The following CNTRL variants were observed in gnomAD, a reference collection of about 807,000 sequenced individuals.
CNTRL encodes the protein centriolin, also known as 110 kDa centrosomal protein.
A neutral mutation model predicts 303.7 loss-of-function variants in CNTRL; 233 were observed. The ratio of observed to expected loss-of-function variants is 0.77; its 90% CI spans 0.69 to 0.86. CNTRL has a LOEUF of 0.86. Among genes scored for constraint, CNTRL ranks in the 40% least tolerant of loss-of-function variants. The pLI, the probability that CNTRL is intolerant of heterozygous loss-of-function variation, is 0.00. For synonymous variants in CNTRL, 900 were observed against 922.2 expected, an observed-to-expected ratio of 0.98 and a Z score of 0.44; for missense variants, 2,524 against 2,650.6, an observed-to-expected ratio of 0.95 and a Z score of 1.05.
intron 2 of CNTRL, among the ~76,000 whole-genome samples, chr9:121,085,572 T>A (rs566122666): frequency 1.3e-5 from 2 of 152,252 alleles, no homozygotes; most frequent in Non-Finnish European, 2.9e-5. Context: ...CTTCTCCACT[T>A]GTGGTTGTTA....
intron 7 of CNTRL, among the ~76,000 whole-genome samples, chr9:121,106,333 C>T (rs1242981089): frequency 5.2e-5 from 5 of 95,958 alleles, no homozygotes; most frequent in African/African-American, 1.1e-4. Context: ...AGCGAGACTC[C>T]GTCCAAAAAA....
intron 25 of CNTRL, 158 bp from the exon 26 acceptor site, chr9:121,152,327 C>T (rs974549818): frequency 1.8e-5 from 11 of 615,418 alleles, no homozygotes; most frequent in Admixed American, 2.9e-5. Context: ...CAGTTTCATC[C>T]GTGACATTTA....
chr9:121,161,724 A>C (rs1471646066), intron 32 of CNTRL, 132 bp from the exon 33 acceptor site: 2 of 588,232 alleles, frequency 3.4e-6, no homozygotes, highest in Non-Finnish European at 6.0e-6. Flanking sequence ...TAAAATTAGC[A>C]CCATTAATTC....
rs201079043 is a variant in CNTRL at position 121,169,614 on chromosome 9, G to A, written c.6074G>A (p.Arg2025Gln). 17 of 1,614,066 alleles carry A rather than the reference G, an allele frequency of 1.1e-5. No homozygotes were observed. The highest frequency in any genetic ancestry group is 1.7e-4 in the Middle Eastern group (1 of 6,012). ...CTACTGAAAATGCTCATTTCAGAACGGCAGCTTTCAGAAAGGGAGCAGCAA... is the reference window on the plus strand; with the variant it reads ...CTACTGAAAATGCTCATTTCAGAACAGCAGCTTTCAGAAAGGGAGCAGCAA... ...SLEKTLSQTKRQLSEREQQLV... is the reference protein window; with the variant it reads ...SLEKTLSQTKQQLSEREQQLV... Residue 2025 changes from arginine to glutamine, a missense_variant, in exon 39 of 44, where the codon CGG becomes CAG. Physicochemically the swap from Arg to Gln is conservative, Grantham distance 43. Coordinates refer to ENST00000373855, the MANE Select transcript of CNTRL (RefSeq NM_007018.6).
chr9:121,164,994 A>ATCT lies in CNTRL; in HGVS notation c.5475_5476insTCT (p.Glu1825_Lys1826insSer). The ATCT allele has an allele frequency of 6.2e-7, 1 of 1,612,784 alleles. No individual in the cohort carries two copies. The highest frequency in any genetic ancestry group is 8.5e-7 in the Non-Finnish European group (1 of 1,179,590). On this transcript the variant is annotated inframe_insertion, in exon 35 of 44. Transcript: ENST00000373855. The stretch of plus-strand genomic sequence containing the variant: ...GCAAAATGGAGCAATCAAACTTAGA[A>ATCT]AAGTTGGAATTGAATGTCAGAAAAC...
intron 42 of CNTRL, among the ~76,000 whole-genome samples, chr9:121,174,532 G>A (rs539028999): frequency 2.6e-5 from 4 of 152,202 alleles, no homozygotes; most frequent in Admixed American, 6.5e-5. Flanking sequence ...GTTGGACAGC[G>A]CTGCTATAGA....
chr9:121,099,890 T>C (rs1371231371), intron 7 of CNTRL, among the ~76,000 whole-genome samples: 1 of 151,948 alleles, frequency 6.6e-6, no homozygotes, highest in Non-Finnish European at 1.5e-5. Context: ...ACAAAGCCTC[T>C]AAGAAATATG....
intron 14 of CNTRL, among the ~76,000 whole-genome samples, chr9:121,134,603 C>CTTA (rs1429126587): frequency 6.6e-6 from 1 of 152,128 alleles, no homozygotes; most frequent in Non-Finnish European, 1.5e-5. Flanking sequence ...CCCTAAGGTC[C>CTTA]TCTAATATCT....
intron 31 of CNTRL, 112 bp from the exon 32 acceptor site, chr9:121,160,031 T>C: frequency 1.3e-6 from 1 of 795,754 alleles, no homozygotes; most frequent in Admixed American, 3.6e-5. Context: ...AAAATGAGCT[T>C]GTTTCCAAAT....
intron 14 of CNTRL, among the ~76,000 whole-genome samples, chr9:121,128,431 C>T (rs575298340): frequency 9.0e-4 from 137 of 152,348 alleles, no homozygotes; most frequent in African/African-American, 3.2e-3. Context: ...CTGTTGGCTG[C>T]ATAAATGTCT....
chr9:121,162,437 T>A (rs1196412962), intron 34 of CNTRL, 166 bp downstream of exon 34: 6 of 145,816 alleles, frequency 4.1e-5, no homozygotes, highest in Non-Finnish European at 8.5e-5. Flanking sequence ...TCCTTCTAGC[T>A]TTTTTTTTTT....
chr9:121,104,731 C>T (rs866836285), intron 7 of CNTRL, among the ~76,000 whole-genome samples: 11 of 101,068 alleles, frequency 1.1e-4, no homozygotes, highest in East Asian at 3.6e-4. Context: ...GACAGAGTTT[C>T]GCTCTTGTTG....
At position 121,173,444 on chromosome 9, in the gene CNTRL, C is replaced by G; in HGVS notation, c.6619C>G (p.Leu2207Val). ...AGAATTGGAAAGCTTGAAAGAGAAC[C>G]TTCCATTTACCATGAATGAGGGACC... The part of the protein sequence containing the change: ...EGELESLKEN[L>V]PFTMNEGPFE... The change falls in exon 41 of 44, where the codon CTT becomes GTT. Residue 2207 changes from leucine (L) to valine (V), a missense_variant. Leu to Val is a conservative substitution (Grantham distance 32). Transcript: ENST00000373855. The G allele has an allele frequency of 6.2e-7, 1 of 1,613,904 alleles. No homozygotes were observed. Among genetic ancestry groups the G allele is most frequent in the Non-Finnish European group, 8.5e-7 (1 of 1,179,984 alleles).
In CNTRL at chr9:121,176,580, A is replaced by G. The variant is rs540578147; in HGVS notation, c.6955-583A>G. On this transcript the variant is annotated intron_variant, in intron 43 of 43. Coordinates refer to ENST00000373855, the MANE Select transcript of CNTRL (RefSeq NM_007018.6). ...TAGTGAGAGAAGAGTAGAGTGCACAAGGGCTTAAAAGCCAGCTTCAATTAC... is the reference window on the plus strand; with the variant it reads ...TAGTGAGAGAAGAGTAGAGTGCACAGGGGCTTAAAAGCCAGCTTCAATTAC... Among the ~76,000 whole-genome samples the G allele has an allele frequency of 5.9e-5, 9 of 152,312 alleles. No individual in the cohort carries two copies. The East Asian group carries it at 1.5e-3, about 26-fold the overall frequency.
chr9:121,109,758 AACTAGGT>A, intron 8 of CNTRL, among the ~76,000 whole-genome samples: 1 of 152,172 alleles, frequency 6.6e-6, no homozygotes, highest in Non-Finnish European at 1.5e-5. Flanking sequence ...CCCAATTTCC[AACTAGGT>A]ACTATTATTT....
chr9:121,125,670 A>G (rs777348195), intron 13 of CNTRL, 46 bp from the exon 14 acceptor site: 1 of 1,492,574 alleles, frequency 6.7e-7, no homozygotes, highest in Non-Finnish European at 9.3e-7. Context: ...CAGACAATGC[A>G]GTACTTTAAA....
chr9:121,150,087 C>G (rs1222120276), intron 24 of CNTRL, 83 bp from the exon 25 acceptor site: 19 of 1,096,160 alleles, frequency 1.7e-5, no homozygotes, highest in Non-Finnish European at 2.5e-5. Context: ...TGCTGCTGTT[C>G]TCTACTAAAT....
chr9:121,133,390 C>T (rs1026922560), intron 14 of CNTRL, among the ~76,000 whole-genome samples: 1 of 152,248 alleles, frequency 6.6e-6, no homozygotes, highest in Non-Finnish European at 1.5e-5. Flanking sequence ...CCTCCAAGGT[C>T]TATCTCAGAC....
chr9:121,155,886 C>A (rs1467677895), intron 27 of CNTRL, among the ~76,000 whole-genome samples: 2 of 152,090 alleles, frequency 1.3e-5, no homozygotes, highest in African/African-American at 4.8e-5. Flanking sequence ...ACATGAAACA[C>A]CTCAGGAACT....
Sources: gnomAD v4.1 joint callset for allele counts (sites outside exome capture counted in the v4.1 genomes callset) on GRCh38, gnomAD v4.1.1 for gene constraint, MANE v1.5 for transcripts, NCBI Gene and HGNC (gene_info 2026-07-23, HGNC 2026-07-21) for gene names.